The following TUBGCP3 variants were observed in gnomAD, a reference collection of about 807,000 sequenced individuals.
The protein encoded by TUBGCP3 is tubulin gamma complex component 3.
A neutral mutation model predicts 123.1 loss-of-function variants in TUBGCP3; 50 were observed. The observed-to-expected ratio is 0.41, with a 90% CI of 0.32 to 0.51. The LOEUF (loss-of-function observed/expected upper bound fraction) is 0.51, where lower values mean the gene tolerates loss of function less well. Ranked by LOEUF, TUBGCP3 falls within the 20% of genes least tolerant of loss-of-function variation. The probability of loss-of-function intolerance (pLI) is 0.36; values close to 1 mark genes in which losing one functional copy is unlikely to be tolerated. For synonymous variants in TUBGCP3, 405 were observed against 413.9 expected (o/e 0.98, Z 0.26); for missense variants, 882 against 1,127.0 (o/e 0.78, Z 3.11).
At position 112,511,669 on chromosome 13, in the gene TUBGCP3, AC is replaced by A. The variant is rs1313582969; in HGVS notation, c.2086+4770del. Among the ~76,000 whole-genome samples the A allele has an allele frequency of 6.7e-6, 1 of 148,174 alleles. No individual in the cohort carries two copies. The highest frequency in any genetic ancestry group is 1.5e-5 in the Non-Finnish European group (1 of 68,000). The stretch of plus-strand genomic sequence containing the variant: ...GTGATACAATATGGTTAAAAGGAAA[AC>A]CAAAAAAAAAATGTAGTATGAGCTA... On this transcript the variant is annotated intron_variant, in intron 17 of 21. Coordinates refer to ENST00000261965, the MANE Select transcript of TUBGCP3 (RefSeq NM_006322.6). This position sits in a 1 kb window ranked among gnomAD's most constrained non-coding sequence, Gnocchi z 4.1.
At chr13:112,537,149 A>T (rs9550126) in intron 11 of TUBGCP3, among the ~76,000 whole-genome samples, 4,076 of 74,458 alleles carry the variant, frequency 0.055, 57 homozygotes, top group East Asian at 0.1. Flanking sequence ...TTTTTTTTTT[A>T]AAAAAAAAAA....
chr13:112,503,022 CA>C (rs913749015), intron 19 of TUBGCP3, among the ~76,000 whole-genome samples: 1 of 152,148 alleles, frequency 6.6e-6, no homozygotes, highest in African/African-American at 2.4e-5. Context: ...GGCTAACCTA[CA>C]TATACTAAAA....
In TUBGCP3 at chr13:112,519,444, A is replaced by G. The variant is rs1876430142; in HGVS notation, c.1882-401T>C. ...AAGTAAATAGTGGGTTTATGTTCAT[A>G]ATAACCACACCCTTAAGAAAAGTCA... On this transcript the variant is annotated intron_variant, in intron 15 of 21. Coordinates refer to ENST00000261965, the MANE Select transcript of TUBGCP3 (RefSeq NM_006322.6). This position sits in a 1 kb window ranked among gnomAD's most constrained non-coding sequence, Gnocchi z 6.2. Among the ~76,000 whole-genome samples the G allele has an allele frequency of 6.6e-6, 1 of 152,238 alleles. No homozygotes were observed. The highest frequency in any genetic ancestry group is 2.1e-4 in the South Asian group (1 of 4,834).
rs190952654 is a variant in TUBGCP3 at position 112,573,023 on chromosome 13, C to T, written c.77-3764G>A. Among the ~76,000 whole-genome samples, 125 of 151,956 alleles carry T rather than the reference C, an allele frequency of 8.2e-4. 3 individuals are homozygous for T. Among genetic ancestry groups the T allele is most frequent in the African/African-American group, 3.0e-3 (124 of 41,408 alleles). ...GCCAAGACCTTCCGACAACTCCACT[C>T]TTAAAGATGAAAAGAACAGGTATCG... On this transcript the variant is annotated intron_variant, in intron 1 of 21. Transcript: ENST00000261965.
At chr13:112,598,152 T>C in the TUBGCP3 span, among the ~76,000 whole-genome samples, 3 of 152,122 alleles carry the variant, frequency 2.0e-5, no homozygotes, top group East Asian at 1.9e-4. Context: ...TGGAATTATA[T>C]TTCCAAGTGC....
At chr13:112,492,726 T>C (rs1880188321) in intron 20 of TUBGCP3, among the ~76,000 whole-genome samples, 1 of 149,434 alleles carries the variant, frequency 6.7e-6, no homozygotes, top group African/African-American at 2.5e-5. Context: ...TGGGGCCTGG[T>C]ATCCCTAAGA....
the TUBGCP3 span, among the ~76,000 whole-genome samples, chr13:112,598,237 C>G: frequency 1.3e-5 from 2 of 151,532 alleles, no homozygotes; most frequent in Middle Eastern, 3.4e-3. Context: ...GAAACAAAGG[C>G]TTTTTTAGAA....
At chr13:112,515,312 T>C (rs1476644475) in intron 17 of TUBGCP3, among the ~76,000 whole-genome samples, 1 of 152,130 alleles carries the variant, frequency 6.6e-6, no homozygotes, top group Non-Finnish European at 1.5e-5. Flanking sequence ...TGGCCTTGAA[T>C]TGGTCTAAAT....
Position 112,558,371 on chromosome 13 carries a change from C to T in TUBGCP3, c.373G>A (p.Asp125Asn). 3.1e-6 allele frequency: 5 copies of T among 1,604,494 alleles called. No homozygotes were observed. Among genetic ancestry groups the T allele is most frequent in the Non-Finnish European group, 4.3e-6 (5 of 1,172,030 alleles). The change falls in exon 5 of 22, where the codon GAT (aspartate) becomes AAT (asparagine). Residue 125 changes from aspartate to asparagine, a missense_variant. Physicochemically the swap from Asp to Asn is conservative, Grantham distance 23. Coordinates refer to ENST00000261965, the MANE Select transcript of TUBGCP3 (RefSeq NM_006322.6). The part of the protein sequence containing the change: ...ATLFAQALPR[D>N]AHSTPYYYAR... ...TAGTAGTAAGGGGTTGAGTGGGCAT[C>T]TCTTGGTAAGGCCTGAGCAAATAAC...
chr13:112,491,557 T>A (rs1422155054), intron 20 of TUBGCP3, among the ~76,000 whole-genome samples: 1 of 152,230 alleles, frequency 6.6e-6, no homozygotes, highest in African/African-American at 2.4e-5. Context: ...AATATTTGCT[T>A]TATATGCTTT....
At chr13:112,585,725 G>T (rs1387684015) in intron 1 of TUBGCP3, among the ~76,000 whole-genome samples, 2 of 152,056 alleles carry the variant, frequency 1.3e-5, no homozygotes, top group African/African-American at 4.8e-5. Flanking sequence ...CCCAGATCAT[G>T]CCACTGCACT....
chr13:112,521,598 G>A, intron 14 of TUBGCP3: 1 of 914,070 alleles, frequency 1.1e-6, no homozygotes, highest in Non-Finnish European at 1.3e-6. Context: ...CAATTGCTTG[G>A]GGAGCACTGG....
intron 14 of TUBGCP3, 21 bp from the exon 15 acceptor site, chr13:112,520,042 T>C: frequency 6.3e-7 from 1 of 1,599,370 alleles, no homozygotes; most frequent in Non-Finnish European, 8.5e-7. Flanking sequence ...TTTTTAAAAA[T>C]TAAAGAAAAT....
intron 17 of TUBGCP3, among the ~76,000 whole-genome samples, chr13:112,506,035 T>C (rs138435652): frequency 1.3e-5 from 2 of 152,192 alleles, no homozygotes; most frequent in South Asian, 2.1e-4. Context: ...AAATGAAATA[T>C]ATGGCAGCCA....
chr13:112,520,923 A>C (rs150379491), intron 14 of TUBGCP3, among the ~76,000 whole-genome samples: 262 of 152,374 alleles, frequency 1.7e-3, no homozygotes, highest in African/African-American at 6.2e-3. Context: ...CACAACGTCA[A>C]ATAAACCTAA....
intron 13 of TUBGCP3, among the ~76,000 whole-genome samples, chr13:112,523,712 C>T (rs528420532): frequency 1.3e-5 from 2 of 152,324 alleles, no homozygotes; most frequent in African/African-American, 4.8e-5. Context: ...TAGCCCAAAG[C>T]AGCCTATGAA....
chr13:112,598,150 T>C, the TUBGCP3 span, among the ~76,000 whole-genome samples: 1 of 152,160 alleles, frequency 6.6e-6, no homozygotes, highest in African/African-American at 2.4e-5. Context: ...GATGGAATTA[T>C]ATTTCCAAGT....
intron 11 of TUBGCP3, among the ~76,000 whole-genome samples, chr13:112,531,561 G>A (rs976194514): frequency 4.6e-5 from 7 of 152,182 alleles, no homozygotes; most frequent in South Asian, 2.1e-4. Flanking sequence ...AGAAGAGCTC[G>A]TTTCTACAGA....
chr13:112,579,315 A>C (rs532877899), intron 1 of TUBGCP3, among the ~76,000 whole-genome samples: 1 of 152,284 alleles, frequency 6.6e-6, no homozygotes, highest in South Asian at 2.1e-4. Context: ...GCTCTCCCAC[A>C]CTGCTGAGTG....
Sources: allele counts gnomAD v4.1 joint callset (sites outside exome capture counted in the v4.1 genomes callset), GRCh38; gene constraint gnomAD v4.1.1; non-coding constraint Gnocchi (gnomAD v3.1); transcripts MANE v1.5; gene names NCBI Gene and HGNC (gene_info 2026-07-23, HGNC 2026-07-21).